UVSSA: variants seen among roughly 807,000 people sequenced by gnomAD.
The protein encoded by UVSSA is UV stimulated scaffold protein A.
UVSSA carries 72 observed loss-of-function variants against 73.9 expected under a neutral mutation model. That is an observed-to-expected ratio of 0.97 (90% confidence interval 0.81 to 1.19). UVSSA has a LOEUF of 1.19. UVSSA is among the 50% of genes most tolerant of loss of function. UVSSA has a pLI of 0.00. For synonymous variants in UVSSA, 454 were observed against 391.3 expected, an observed-to-expected ratio of 1.16 and a Z score of -1.89; for missense variants, 1,150 against 965.0, an observed-to-expected ratio of 1.19 and a Z score of -2.54.
Position 1,385,910 on chromosome 4 carries a change from C to A in UVSSA, c.2079C>A (p.Asp693Glu). ...TAGTGGCAGCCATGAACCGGATGGACCAGAAGAAGCACGAGAAGTTTTCAA... is the reference window on the plus strand; with the variant it reads ...TAGTGGCAGCCATGAACCGGATGGAACAGAAGAAGCACGAGAAGTTTTCAA... ...RRVVAAMNRM[D>E]QKKHEKFSNQ... is the part of the protein sequence containing the mutation. Residue 693 changes from aspartate (D) to glutamate (E), a missense_variant, in exon 14 of 14, where the codon GAC becomes GAA. By Grantham distance (45) the Asp-to-Glu change is conservative (BLOSUM62 2). Transcript: ENST00000389851. The A allele has an allele frequency of 6.2e-7, 1 of 1,614,060 alleles. No individual in the cohort carries two copies. Among genetic ancestry groups the A allele is most frequent in the Middle Eastern group, 1.6e-4 (1 of 6,062 alleles).
At chr4:1,372,937 C>A (rs540010940) in intron 8 of UVSSA, among the ~76,000 whole-genome samples, 1 of 151,920 alleles carries the variant, frequency 6.6e-6, no homozygotes, top group South Asian at 2.1e-4. Context: ...TGCTCCACCC[C>A]CTGCCCCCTG....
upstream of UVSSA, among the ~76,000 whole-genome samples, chr4:1,343,101 G>A (rs1300124413): frequency 2.0e-5 from 3 of 152,046 alleles, no homozygotes; most frequent in South Asian, 2.1e-4. Flanking sequence ...TAGTTTGCTC[G>A]GCTGCCGTAA....
At chr4:1,355,276 TC>T in intron 7 of UVSSA, 31 bp downstream of exon 7, 1 of 1,440,088 alleles carries the variant, frequency 6.9e-7, no homozygotes, top group Non-Finnish European at 9.5e-7. Context: ...CGGGAAGGGG[TC>T]CCAGAGGCCT....
chr4:1,363,068 A>C (rs1716865713), intron 7 of UVSSA, among the ~76,000 whole-genome samples: 1 of 151,926 alleles, frequency 6.6e-6, no homozygotes, highest in Admixed American at 6.6e-5. Flanking sequence ...CCTTGCATTT[A>C]GTATCCGCAG....
upstream of UVSSA, among the ~76,000 whole-genome samples, chr4:1,346,201 C>T (rs920131990): frequency 6.6e-6 from 1 of 152,366 alleles, no homozygotes; most frequent in Non-Finnish European, 1.5e-5. Flanking sequence ...GAAACCCACC[C>T]TGTAAAAACA....
intron 10 of UVSSA, among the ~76,000 whole-genome samples, chr4:1,377,238 C>T (rs543968244): frequency 3.9e-4 from 59 of 152,278 alleles, no homozygotes; most frequent in East Asian, 3.9e-4. Flanking sequence ...TGCCCAGGAA[C>T]GGGCCCCGAG....
chr4:1,364,884 G>A (rs1012490524), intron 7 of UVSSA, among the ~76,000 whole-genome samples: 4 of 152,146 alleles, frequency 2.6e-5, no homozygotes, highest in South Asian at 2.1e-4. Context: ...AGGAATGACC[G>A]CCCTGCTGTG....
chr4:1,394,231 A>T, exon 14 of UVSSA: 1 of 604,092 alleles, frequency 1.7e-6, no homozygotes, highest in Non-Finnish European at 2.8e-6. Flanking sequence ...AGAGCTTCTC[A>T]GCGGCCACTG....
At chr4:1,346,699 G>A (rs948196720), upstream of UVSSA, among the ~76,000 whole-genome samples, 12 of 152,148 alleles carry the variant, frequency 7.9e-5, 2 homozygotes, top group East Asian at 3.9e-4. Flanking sequence ...CGCCCGTCTG[G>A]GCGGTCCTCA....
rs33989352 is a variant in UVSSA, at chr4:1,354,903, T to TGGG, written c.1047+62_1047+64dup. On this transcript the variant is annotated intron_variant, in intron 6 of 13. Coordinates refer to ENST00000389851, the MANE Select transcript of UVSSA (RefSeq NM_020894.4). ...AGGGACGTGTGCAGAGTGCCATGCA[T>TGGG]GGGGGGGGTCCCTTTCTTGGGGGGA... 7.0e-3 allele frequency: 10,211 copies of TGGG among 1,448,596 alleles called. 28 individuals are homozygous for TGGG. The highest frequency in any genetic ancestry group is 0.012 in the African/African-American group (781 of 67,202). 89.7% of individuals were successfully genotyped at this position (1,448,596 alleles called of 1,614,324 possible).
chr4:1,351,212 C>G (rs901423711), intron 3 of UVSSA, among the ~76,000 whole-genome samples: 6 of 151,184 alleles, frequency 4.0e-5, no homozygotes, highest in Non-Finnish European at 8.8e-5. Flanking sequence ...ACTACAAGCA[C>G]CCCCCACCAC....
chr4:1,354,751 G>A lies in UVSSA; in HGVS notation c.951G>A (p.Gln317=). 1.2e-6 allele frequency: 2 copies of A among 1,613,594 alleles called. No homozygotes were observed. The highest frequency in any genetic ancestry group is 2.2e-5 in the East Asian group (1 of 44,856). ...VELCSEGLKV[Q]ENEDNLALIH... ...TCTCCCCAGAGGGCCTGAAGGTGCA[G>A]GAGAACGAGGACAACCTTGCTCTCA... Residue 317 remains glutamine, a synonymous_variant, in exon 6 of 14, where the codon CAG becomes CAA. Coordinates refer to ENST00000389851, the MANE Select transcript of UVSSA (RefSeq NM_020894.4).
intron 2 of UVSSA, among the ~76,000 whole-genome samples, chr4:1,349,321 C>T (rs548535164): frequency 6.6e-6 from 1 of 152,294 alleles, no homozygotes; most frequent in East Asian, 1.9e-4. Flanking sequence ...TTGTGGGCCA[C>T]ACAGAAACAG....
chr4:1,373,091 T>C (rs907086739), intron 8 of UVSSA, among the ~76,000 whole-genome samples: 2 of 152,276 alleles, frequency 1.3e-5, no homozygotes, highest in Non-Finnish European at 2.9e-5. Flanking sequence ...AATCCTGAGC[T>C]TGAACTTCTC....
intron 8 of UVSSA, among the ~76,000 whole-genome samples, chr4:1,372,242 C>A (rs1045866941): frequency 7.2e-5 from 11 of 152,184 alleles, no homozygotes; most frequent in African/African-American, 2.7e-4. Context: ...TAAAGACATC[C>A]ACTCCAGAGT....
chr4:1,350,318 C>G (rs74699528), intron 3 of UVSSA, among the ~76,000 whole-genome samples: 1 of 152,132 alleles, frequency 6.6e-6, no homozygotes, highest in African/African-American at 2.4e-5. Context: ...GGCCTGAACC[C>G]AGCCTCATTG....
chr4:1,372,770 CAGGGCA>C (rs1718249499), intron 8 of UVSSA, among the ~76,000 whole-genome samples: 1 of 66,386 alleles, frequency 1.5e-5, no homozygotes, highest in Non-Finnish European at 3.2e-5. Context: ...TCCCGCGTCT[CAGGGCA>C]CTCACCTCCC....
At chr4:1,363,978 G>A (rs1454368640) in intron 7 of UVSSA, among the ~76,000 whole-genome samples, 3 of 151,088 alleles carry the variant, frequency 2.0e-5, no homozygotes, top group South Asian at 2.1e-4. Context: ...CCCGGGCCCC[G>A]TGGCCTTGTG....
rs568071790 is a variant in UVSSA, at chr4:1,381,953, G to A, written c.1861+965G>A. Among the ~76,000 whole-genome samples the A allele has an allele frequency of 3.5e-4, 54 of 152,276 alleles. 1 individual carries two copies. Among genetic ancestry groups the A allele is most frequent in the African/African-American group, 1.2e-3 (49 of 41,566 alleles). On this transcript the variant is annotated intron_variant, in intron 12 of 13. Transcript: ENST00000389851. ...GCTGGGATTACAGATGTGAGTCCCC[G>A]CCCGGCCTCGGTCCCTTCTGGAGAG...
Sources: allele counts gnomAD v4.1 joint callset (sites outside exome capture counted in the v4.1 genomes callset), GRCh38; gene constraint gnomAD v4.1.1; transcripts MANE v1.5; gene names NCBI Gene and HGNC (gene_info 2026-07-23, HGNC 2026-07-21).